MNAT1: variants seen among roughly 807,000 people sequenced by gnomAD.
The protein encoded by MNAT1 is MNAT1 component of CDK activating kinase.
In MNAT1, 43 loss-of-function variants were observed where a neutral mutation model predicts 42.0. The observed-to-expected ratio is 1.02, with a 90% CI of 0.80 to 1.32. The LOEUF is 1.32. Ranked by LOEUF, MNAT1 falls within the 40% of genes most tolerant of loss-of-function variation. The pLI, the probability that MNAT1 is intolerant of heterozygous loss-of-function variation, is 0.00. For synonymous variants in MNAT1, 118 were observed against 120.0 expected (o/e 0.98, Z 0.11); for missense variants, 306 against 350.4 (o/e 0.87, Z 1.01).
At chr14:60,850,081 C>T (rs1287003069) in intron 6 of MNAT1, among the ~76,000 whole-genome samples, 2 of 152,158 alleles carry the variant, frequency 1.3e-5, no homozygotes, top group African/African-American at 4.8e-5. Flanking sequence ...AGGTGATGCA[C>T]CTGCCTCAGC....
intron 7 of MNAT1, among the ~76,000 whole-genome samples, chr14:60,914,288 C>G (rs990296211): frequency 6.6e-6 from 1 of 152,208 alleles, no homozygotes; most frequent in East Asian, 1.9e-4. Flanking sequence ...GAGGCGATGC[C>G]TTGCCCTGCT....
chr14:60,866,857 T>G (rs1220914203), intron 6 of MNAT1, among the ~76,000 whole-genome samples: 5 of 152,070 alleles, frequency 3.3e-5, no homozygotes, highest in Admixed American at 3.3e-4. Flanking sequence ...TTTTCAAAAT[T>G]GGTTACTTTT....
chr14:60,956,939 C>G (rs2036497954), intron 7 of MNAT1, among the ~76,000 whole-genome samples: 1 of 152,060 alleles, frequency 6.6e-6, no homozygotes, highest in Non-Finnish European at 1.5e-5. Context: ...TTTATCCATT[C>G]AACCACTCTA....
chr14:60,781,910 A>G (rs999507285), intron 1 of MNAT1, among the ~76,000 whole-genome samples: 4 of 142,298 alleles, frequency 2.8e-5, no homozygotes, highest in Non-Finnish European at 4.6e-5. Flanking sequence ...TTGTAATACT[A>G]CCTCTTTCCT....
At chr14:60,856,101 G>A (rs945054193) in intron 6 of MNAT1, among the ~76,000 whole-genome samples, 23 of 152,208 alleles carry the variant, frequency 1.5e-4, no homozygotes, top group African/African-American at 4.6e-4. Flanking sequence ...CCTAAGGAAG[G>A]CTTGTGGAAA....
chr14:60,821,729 C>G (rs563770927), intron 6 of MNAT1, among the ~76,000 whole-genome samples: 35 of 152,242 alleles, frequency 2.3e-4, no homozygotes, highest in African/African-American at 7.7e-4. Context: ...TTGCAATTGG[C>G]TATTTTCCAT....
chr14:60,748,003 T>A (rs1275632423), intron 1 of MNAT1, among the ~76,000 whole-genome samples: 1 of 152,130 alleles, frequency 6.6e-6, no homozygotes, highest in Non-Finnish European at 1.5e-5. Context: ...GAGACCATCC[T>A]GGCTAACACA....
chr14:60,884,156 G>A (rs932456134), intron 7 of MNAT1, among the ~76,000 whole-genome samples: 1 of 152,080 alleles, frequency 6.6e-6, no homozygotes, highest in Non-Finnish European at 1.5e-5. Flanking sequence ...GATCTTAGAA[G>A]AAAGACTTTC....
At chr14:60,856,957 G>C (rs2033975254) in intron 6 of MNAT1, among the ~76,000 whole-genome samples, 1 of 152,114 alleles carries the variant, frequency 6.6e-6, no homozygotes, top group Non-Finnish European at 1.5e-5. Context: ...GAGATTACAG[G>C]CATGAGCCAC....
chr14:60,929,165 AAAAAAAT>A lies in MNAT1; in HGVS notation c.810-39062_810-39056del, dbSNP rs1309673063. 5.9e-3 allele frequency among the ~76,000 whole-genome samples: 498 copies of A among 83,888 alleles called. 1 individual carries two copies. The highest frequency in any genetic ancestry group is 0.017 in the African/African-American group (472 of 27,270). The allele number at this position is 83,888 out of a possible 152,430, so 55.0% of individuals were successfully genotyped here. On this transcript the variant is annotated intron_variant, in intron 7 of 7. Coordinates refer to ENST00000261245, the MANE Select transcript of MNAT1 (RefSeq NM_002431.4). ...CCATCTCCCAAAAAAAAAAAAAAAAAAAAAAATATATATATATATATATATATATGTA... is the reference window on the plus strand; with the variant it reads ...CCATCTCCCAAAAAAAAAAAAAAAAAATATATATATATATATATATATGTA...
rs552451294 is a variant in MNAT1 at position 60,742,190 on chromosome 14, A to T, written c.89+7239A>T. Among the ~76,000 whole-genome samples the T allele has an allele frequency of 8.5e-5, 13 of 152,070 alleles. No individual in the cohort carries two copies. In the East Asian group the frequency reaches 2.5e-3, roughly 29 times the overall value. On this transcript the variant is annotated intron_variant, in intron 1 of 7. Coordinates refer to ENST00000261245, the MANE Select transcript of MNAT1 (RefSeq NM_002431.4). ...AACCTTGAACTCAGGGGTTCAAGGG[A>T]TCCTTCCACTTCAGCCACCCCAGAA... is the stretch of plus-strand genomic sequence containing the variant.
At chr14:60,836,467 G>A (rs368413994) in intron 6 of MNAT1, among the ~76,000 whole-genome samples, 92 of 152,288 alleles carry the variant, frequency 6.0e-4, no homozygotes, top group African/African-American at 2.0e-3. Flanking sequence ...TTTTCTGTTT[G>A]TTAATTTTCC....
intron 7 of MNAT1, among the ~76,000 whole-genome samples, chr14:60,939,846 AT>A (rs2036101519): frequency 6.6e-6 from 1 of 152,100 alleles, no homozygotes; most frequent in Admixed American, 6.5e-5. Context: ...AAAGTCTCCC[AT>A]TTTTATTGTG....
At chr14:60,917,223 G>T (rs931383908) in intron 7 of MNAT1, among the ~76,000 whole-genome samples, 1 of 152,118 alleles carries the variant, frequency 6.6e-6, no homozygotes, top group African/African-American at 2.4e-5. Context: ...AAATGGAGAG[G>T]TCCTCTAACT....
At chr14:60,737,493 A>G (rs1896337797) in intron 1 of MNAT1, among the ~76,000 whole-genome samples, 1 of 152,122 alleles carries the variant, frequency 6.6e-6, no homozygotes, top group South Asian at 2.1e-4. Flanking sequence ...ACAATTTGAT[A>G]GTAGTCCATT....
At chr14:60,900,859 G>A (rs1253457687) in intron 7 of MNAT1, among the ~76,000 whole-genome samples, 3 of 151,512 alleles carry the variant, frequency 2.0e-5, no homozygotes, top group Admixed American at 2.0e-4. Flanking sequence ...AGCTAGGCAT[G>A]GTGATGGGAG....
chr14:60,746,878 C>A (rs1896630972), intron 1 of MNAT1, among the ~76,000 whole-genome samples: 1 of 118,102 alleles, frequency 8.5e-6, no homozygotes, highest in Non-Finnish European at 1.7e-5. Context: ...TACTGGGAAT[C>A]CTTTTTAAAG....
chr14:60,903,773 A>T (rs558657007), intron 7 of MNAT1, among the ~76,000 whole-genome samples: 27 of 151,272 alleles, frequency 1.8e-4, no homozygotes, highest in Admixed American at 1.2e-3. Flanking sequence ...TTACCTTATA[A>T]TATTGACTTA....
intron 6 of MNAT1, among the ~76,000 whole-genome samples, chr14:60,858,403 C>T (rs1234536411): frequency 5.3e-5 from 8 of 150,492 alleles, no homozygotes; most frequent in Non-Finnish European, 7.4e-5. Flanking sequence ...TTATCCTTTG[C>T]CCACTTTTTG....
Sources: allele counts gnomAD v4.1 joint callset (sites outside exome capture counted in the v4.1 genomes callset), GRCh38; gene constraint gnomAD v4.1.1; transcripts MANE v1.5; gene names NCBI Gene and HGNC (gene_info 2026-07-23, HGNC 2026-07-21).